Variants in PLXNA2 observed in about 807,000 individuals in gnomAD.
PLXNA2 encodes the protein plexin-A2.
Under a neutral mutation model 193.5 loss-of-function variants are expected in PLXNA2, and 91 were observed. The ratio of observed to expected loss-of-function variants is 0.47; its 90% CI spans 0.40 to 0.56. The LOEUF is 0.56. PLXNA2 is among the 20% of genes least tolerant of loss of function. The pLI is 0.00. For missense variants in PLXNA2, 1,995 were observed against 2,503.2 expected (o/e 0.80, Z 4.33); for synonymous variants, 997 against 1,027.3 (o/e 0.97, Z 0.56).
At position 208,216,961 on chromosome 1, in the gene PLXNA2, G is replaced by A. The variant is rs1235773670; in HGVS notation, c.962C>T (p.Ser321Leu). 18 of 1,613,752 alleles carry A rather than the reference G, an allele frequency of 1.1e-5. No individual in the cohort carries two copies. In the Admixed American group the frequency reaches 1.2e-4, roughly 10 times the overall value. Residue 321 changes from serine (S) to leucine (L), a missense_variant, in exon 2 of 32, where the codon TCA becomes TTA. By Grantham distance (145) the Ser-to-Leu change is moderately radical. Around this residue, in one of 3 missense-constraint regions of PLXNA2, gnomAD observed 702 missense variants for 812.9 expected, o/e 0.86. Transcript: ENST00000367033. The stretch of plus-strand genomic sequence containing the variant: ...GGTGATATTGAAGGCCTGGGCCAGT[G>A]AGTCCCCAGGCTTGGCCAGGTAAGC... The part of the protein sequence containing the change: ...QAAYLAKPGD[S>L]LAQAFNITSQ...
intron 3 of PLXNA2, among the ~76,000 whole-genome samples, chr1:208,181,280 G>A (rs1669833893): frequency 6.6e-6 from 1 of 152,142 alleles, no homozygotes; most frequent in African/African-American, 2.4e-5. Flanking sequence ...CACCTCCTAA[G>A]GCTGAGGAGG....
intron 3 of PLXNA2, among the ~76,000 whole-genome samples, chr1:208,199,528 T>G (rs1670470921): frequency 6.6e-6 from 1 of 151,930 alleles, no homozygotes; most frequent in African/African-American, 2.4e-5. Flanking sequence ...CCGTCTCTAC[T>G]AAAAATACAA....
At chr1:208,181,307 G>T (rs1246978677) in intron 3 of PLXNA2, among the ~76,000 whole-genome samples, 2 of 152,164 alleles carry the variant, frequency 1.3e-5, no homozygotes, top group Non-Finnish European at 2.9e-5. Context: ...GCAGGAGGGT[G>T]CAGGGAAGGC....
rs1003721361 is a variant in PLXNA2 at position 208,204,003 on chromosome 1, C to T, written c.1371+6277G>A. 3.3e-5 allele frequency among the ~76,000 whole-genome samples: 5 copies of T among 152,202 alleles called. No individual in the cohort carries two copies. In the Middle Eastern group the frequency reaches 0.01, roughly 311 times the overall value. The stretch of plus-strand genomic sequence containing the variant: ...GGCTTTGCTTAGTAAATCGTTTGTG[C>T]GATTACAAAGAGAAGAATAGAATTG... On this transcript the variant is annotated intron_variant, in intron 3 of 31. Transcript: ENST00000367033.
rs1664210149 is a variant in PLXNA2 at position 208,022,437 on chromosome 1, A to G, written c.*4806T>C. The G allele has an allele frequency of 6.6e-6, 1 of 152,578 alleles. No homozygotes were observed. Among genetic ancestry groups the G allele is most frequent in the South Asian group, 2.1e-4 (1 of 4,824 alleles). 9.5% of individuals were successfully genotyped at this position (152,578 alleles called of 1,614,324 possible). ...TTAATTTTCTTACAGTTTTTATTCC[A>G]CAACACCTGTAAAAACAACAAAACC... On this transcript the variant is annotated 3_prime_UTR_variant, in exon 32 of 32. Coordinates refer to ENST00000367033, the MANE Select transcript of PLXNA2 (RefSeq NM_025179.4).
At chr1:208,179,541 C>T (rs972674411) in intron 3 of PLXNA2, among the ~76,000 whole-genome samples, 5 of 152,164 alleles carry the variant, frequency 3.3e-5, no homozygotes, top group Admixed American at 6.5e-5. Context: ...ACCAGACCAA[C>T]CCTTGGTTCA....
intron 4 of PLXNA2, among the ~76,000 whole-genome samples, chr1:208,128,393 T>C (rs3958509): frequency 0.54 from 81,641 of 151,366 alleles, 22,311 homozygotes; most frequent in African/African-American, 0.57. Flanking sequence ...GAGCCATGGC[T>C]GAGGGTTTGG....
intron 5 of PLXNA2, 88 bp downstream of exon 5, chr1:208,103,059 C>CTCTG (rs2102417882): frequency 1.1e-6 from 1 of 923,558 alleles, no homozygotes; most frequent in East Asian, 2.5e-5. Context: ...CAATTCCTCT[C>CTCTG]TCTGCAAAGT....
intron 1 of PLXNA2, among the ~76,000 whole-genome samples, chr1:208,225,593 G>A (rs529857926): frequency 2.6e-5 from 4 of 152,332 alleles, no homozygotes; most frequent in East Asian, 1.9e-4. Flanking sequence ...GATTACAGGC[G>A]TGAGCCATGG....
Position 208,033,589 on chromosome 1 carries a change from G to T in PLXNA2, c.4865-80C>A, listed in dbSNP as rs553449767. On this transcript the variant is annotated intron_variant, in intron 27 of 31. Coordinates refer to ENST00000367033, the MANE Select transcript of PLXNA2 (RefSeq NM_025179.4). ...TAGAATCCTTCCAGAATCCCTGCCC[G>T]CCTGCTGCATCCACTCAGAATAAAC... The T allele has an allele frequency of 3.0e-5, 35 of 1,180,030 alleles. No homozygotes were observed. In the African/African-American group the frequency reaches 4.6e-4, roughly 15 times the overall value. The allele number at this position is 1,180,030 out of a possible 1,614,324, so 73.1% of individuals were successfully genotyped here. A position where few individuals can be genotyped will look rare whatever the true frequency, so the allele number is the denominator to read the frequency against.
At chr1:208,153,080 C>A (rs1404600628) in intron 3 of PLXNA2, among the ~76,000 whole-genome samples, 1 of 152,150 alleles carries the variant, frequency 6.6e-6, no homozygotes, top group African/African-American at 2.4e-5. Flanking sequence ...ACACTTGGTA[C>A]TGCCCTGCAC....
At chr1:208,049,321 T>TTA (rs1553273683) in intron 17 of PLXNA2, among the ~76,000 whole-genome samples, 49 of 150,384 alleles carry the variant, frequency 3.3e-4, no homozygotes, top group Admixed American at 1.1e-3. Context: ...TTTTTTTTTT[T>TTA]AAATCCTTCC....
At chr1:208,093,244 C>T (rs1365839142) in intron 8 of PLXNA2, among the ~76,000 whole-genome samples, 6 of 152,140 alleles carry the variant, frequency 3.9e-5, no homozygotes, top group Non-Finnish European at 5.9e-5. Context: ...GAAATAGTTG[C>T]GCCACAGAAT....
Position 208,096,761 on chromosome 1 carries a change from G to C in PLXNA2, c.1854C>G (p.Pro618=), listed in dbSNP as rs143719037. The C allele has an allele frequency of 3.1e-6, 5 of 1,613,920 alleles. No homozygotes were observed. The African/African-American group carries it at 6.7e-5, about 22-fold the overall frequency. The stretch of plus-strand genomic sequence containing the variant: ...CCAGCGGGATGACAGGGACATCCTT[G>C]GGCCCAGGTGAGATGCAGATGACCT... ...GSQVICISPG[P]KDVPVIPLDQ... is the part of the protein sequence containing the mutation. The change falls in exon 7 of 32, where the codon CCC becomes CCG. Residue 618 remains proline, a synonymous_variant. Transcript: ENST00000367033.
intron 11 of PLXNA2, among the ~76,000 whole-genome samples, chr1:208,080,565 G>A (rs938127141): frequency 1.3e-5 from 2 of 152,260 alleles, no homozygotes; most frequent in Non-Finnish European, 2.9e-5. Context: ...CCAGGGAAAG[G>A]GTAATTTTAA....
intron 4 of PLXNA2, among the ~76,000 whole-genome samples, chr1:208,111,608 G>A (rs1383898073): frequency 6.6e-6 from 1 of 152,084 alleles, no homozygotes; most frequent in African/African-American, 2.4e-5. Context: ...GACAATATCT[G>A]TCCCACCTAT....
At position 208,023,041 on chromosome 1, in the gene PLXNA2, G is replaced by A. The variant is rs982759584; in HGVS notation, c.*4202C>T. On this transcript the variant is annotated 3_prime_UTR_variant, in exon 32 of 32. Transcript: ENST00000367033. ...CACACTTCAGGGAAACTAGGGAAGA[G>A]AGACTGAGTTATGGAAAGGATGCTA... The A allele has an allele frequency of 2.0e-5, 3 of 152,206 alleles. No individual in the cohort carries two copies. The East Asian group carries it at 5.8e-4, about 29-fold the overall frequency. 9.4% of individuals were successfully genotyped at this position (152,206 alleles called of 1,614,324 possible).
At position 208,039,821 on chromosome 1, in the gene PLXNA2, G is replaced by C. The variant is rs778771815; in HGVS notation, c.4354-54C>G. The C allele has an allele frequency of 5.6e-6, 9 of 1,611,108 alleles. No individual in the cohort carries two copies. In the East Asian group the frequency reaches 1.6e-4, roughly 28 times the overall value. ...GGGCACGGCCTCCTCAGGTTTGTAC[G>C]TTTTCCCTTTCCTCTCTCGGAGCGA... On this transcript the variant is annotated intron_variant, in intron 23 of 31. Transcript: ENST00000367033.
rs771610537 is a variant in PLXNA2 at position 208,042,195 on chromosome 1, G to A, written c.4189C>T (p.Arg1397Cys). ...AGGACATCAGTGGCATATTCCAGGC[G>A]GCCCTGCAGGCCGGTCATGATGAGC... ...ASLIMTGLQG[R>C]LEYATDVLKQ... The change falls in exon 22 of 32, where the codon CGC (arginine) becomes TGC (cysteine). Residue 1397 changes from arginine to cysteine, a missense_variant. Physicochemically the swap from Arg to Cys is radical, Grantham distance 180 (BLOSUM62 -3). Around this residue, in one of 3 missense-constraint regions of PLXNA2, gnomAD observed 1,291 missense variants for 1,673.6 expected, o/e 0.77. Coordinates refer to ENST00000367033, the MANE Select transcript of PLXNA2 (RefSeq NM_025179.4). 8 of 1,614,092 alleles carry A rather than the reference G, an allele frequency of 5.0e-6. No homozygotes were observed. The highest frequency in any genetic ancestry group is 2.2e-5 in the East Asian group (1 of 44,886).
Sources: gnomAD v4.1 joint callset for allele counts (sites outside exome capture counted in the v4.1 genomes callset) on GRCh38, gnomAD v4.1.1 for gene constraint, gnomAD v4.1.1 regional missense constraint, MANE v1.5 for transcripts, NCBI Gene and HGNC (gene_info 2026-07-23, HGNC 2026-07-21) for gene names.